The following BIN1 variants were observed in gnomAD, a reference collection of about 807,000 sequenced individuals.
BIN1 encodes myc box-dependent-interacting protein 1.
A neutral mutation model predicts 82.0 loss-of-function variants in BIN1; 53 were observed. The observed-to-expected ratio is 0.65, with a 90% CI of 0.52 to 0.81. BIN1 has a LOEUF of 0.81. BIN1 is among the 40% of genes least tolerant of loss of function. The probability of loss-of-function intolerance (pLI) is 0.00; values close to 1 mark genes in which losing one functional copy is unlikely to be tolerated. For synonymous variants in BIN1, 302 were observed against 328.0 expected (o/e 0.92, Z 0.86); for missense variants, 642 against 784.4 (o/e 0.82, Z 2.17).
intron 3 of BIN1, 57 bp from the exon 4 acceptor site, chr2:127,070,704 C>T: frequency 1.3e-6 from 2 of 1,592,084 alleles, no homozygotes; most frequent in Non-Finnish European, 1.7e-6. Flanking sequence ...GTCCCACCCT[C>T]CCCAGCTCTG....
intron 2 of BIN1, among the ~76,000 whole-genome samples, chr2:127,072,469 G>A (rs369062093): frequency 2.4e-4 from 37 of 152,310 alleles, no homozygotes; most frequent in East Asian, 2.3e-3. Flanking sequence ...CACGCAGCCC[G>A]CAGGGTGTTT....
intron 16 of BIN1, 94 bp downstream of exon 16, chr2:127,051,060 C>T: frequency 1.3e-6 from 2 of 1,555,896 alleles, no homozygotes; most frequent in South Asian, 2.2e-5. Flanking sequence ...AGGAGCCAGG[C>T]CTGGACCAGC....
intron 1 of BIN1, among the ~76,000 whole-genome samples, chr2:127,105,771 G>T (rs1412298116): frequency 1.3e-5 from 2 of 152,210 alleles, no homozygotes; most frequent in Non-Finnish European, 2.9e-5. Flanking sequence ...GGGAAGGCCG[G>T]CCTGTCCCTG....
intron 5 of BIN1, among the ~76,000 whole-genome samples, chr2:127,069,731 A>AACACACACACACACACACAC (rs3832046): frequency 2.7e-5 from 4 of 147,586 alleles, no homozygotes; most frequent in African/African-American, 1.0e-4. Context: ...ACTCCGCAGC[A>AACACACACACACACACACAC]ACACACACAC....
In BIN1 at chr2:127,052,292, G is replaced by A. The variant is rs1158338100; in HGVS notation, c.1334C>T (p.Ser445Phe). 5 of 1,585,422 alleles carry A rather than the reference G, an allele frequency of 3.2e-6. No individual in the cohort carries two copies. In the South Asian group the frequency reaches 4.6e-5, roughly 15 times the overall value. Residue 445 changes from serine to phenylalanine, a missense_variant, in exon 15 of 19, where the codon TCC (serine) becomes TTC (phenylalanine). Physicochemically the swap from Ser to Phe is radical, Grantham distance 155. Coordinates refer to ENST00000316724, the MANE Select transcript of BIN1 (RefSeq NM_139343.3). ...PSAAEGTFAVSWPSQTAEPGP... is the reference protein window; with the variant it reads ...PSAAEGTFAVFWPSQTAEPGP... Reference sequence around the variant, plus strand: ...CGGCTCGGCCGTCTGGCTGGGCCAGGACACAGCAAAGGTGCCCTCGGCAGC... The same window carrying A: ...CGGCTCGGCCGTCTGGCTGGGCCAGAACACAGCAAAGGTGCCCTCGGCAGC...
At chr2:127,098,250 G>A (rs1236153489) in intron 1 of BIN1, among the ~76,000 whole-genome samples, 5 of 152,192 alleles carry the variant, frequency 3.3e-5, no homozygotes, top group Non-Finnish European at 7.4e-5. Context: ...TGAGGATGGG[G>A]AGGCCTGCAG....
intron 12 of BIN1, among the ~76,000 whole-genome samples, chr2:127,056,698 C>T (rs1056030445): frequency 4.6e-5 from 7 of 152,214 alleles, no homozygotes; most frequent in Non-Finnish European, 7.3e-5. Flanking sequence ...AGGCAGTCAG[C>T]TCTCGGGGAG....
rs1394108546 is a variant in BIN1 at position 127,057,849 on chromosome 2, G to A, written c.1003-248C>T. ...GGTCCAGAAACGCTGTGTGGAGAGA[G>A]AAGAGATAGAGAAGTGAGGGGAGAG... On this transcript the variant is annotated intron_variant, in intron 11 of 18. Transcript: ENST00000316724. This position sits in a 1 kb window ranked among gnomAD's most constrained non-coding sequence, Gnocchi z 5.0. 1.3e-5 allele frequency among the ~76,000 whole-genome samples: 2 copies of A among 151,798 alleles called. No homozygotes were observed. The highest frequency in any genetic ancestry group is 4.9e-5 in the African/African-American group (2 of 41,230).
rs540436361 is a variant in BIN1, at chr2:127,059,896, G to A, written c.858-741C>T. Among the ~76,000 whole-genome samples, 7 of 152,292 alleles carry A rather than the reference G, an allele frequency of 4.6e-5. No homozygotes were observed. Among genetic ancestry groups the A allele is most frequent in the Middle Eastern group, 3.4e-3 (1 of 294 alleles). Reference sequence around the variant, plus strand: ...TCTCTACCAGAACCTGCACAGAGACGCCTAGAAAAGTGCTGCCCAGTACGG... The same window carrying A: ...TCTCTACCAGAACCTGCACAGAGACACCTAGAAAAGTGCTGCCCAGTACGG... On this transcript the variant is annotated intron_variant, in intron 10 of 18. Transcript: ENST00000316724. This position sits in a 1 kb window ranked among gnomAD's most constrained non-coding sequence, Gnocchi z 6.7.
At chr2:127,070,678 C>T (rs1573649038) in intron 3 of BIN1, 31 bp from the exon 4 acceptor site, 1 of 1,613,972 alleles carries the variant, frequency 6.2e-7, no homozygotes, top group Non-Finnish European at 8.5e-7. Flanking sequence ...ATGTGGGCCT[C>T]CCACTGATAG....
Position 127,082,294 on chromosome 2 carries a change from G to C in BIN1, c.85-5588C>G, listed in dbSNP as rs539856929. Among the ~76,000 whole-genome samples, 1 of 152,190 alleles carries C rather than the reference G, an allele frequency of 6.6e-6. No homozygotes were observed. The highest frequency in any genetic ancestry group is 1.5e-5 in the Non-Finnish European group (1 of 68,020). On this transcript the variant is annotated intron_variant, in intron 1 of 18. Coordinates refer to ENST00000316724, the MANE Select transcript of BIN1 (RefSeq NM_139343.3). The surrounding 1 kb of genome is among the most constrained non-coding windows in gnomAD (Gnocchi z 6.1). ...TGGGGAGCTGTGGATGATGACACAG[G>C]GCTGGCCTCGGGGATCTTTCCGCCC...
intron 1 of BIN1, among the ~76,000 whole-genome samples, chr2:127,083,751 C>G (rs1310128619): frequency 1.3e-5 from 2 of 152,134 alleles, no homozygotes; most frequent in Non-Finnish European, 2.9e-5. Flanking sequence ...TCAATGTTAT[C>G]CATTTTTTTT....
Position 127,091,772 on chromosome 2 carries a change from C to T in BIN1, c.85-15066G>A, listed in dbSNP as rs528346250. 7.3e-4 allele frequency among the ~76,000 whole-genome samples: 111 copies of T among 152,096 alleles called. 1 individual carries two copies. The highest frequency in any genetic ancestry group is 2.7e-3 in the African/African-American group (111 of 41,470). On this transcript the variant is annotated intron_variant, in intron 1 of 18. Coordinates refer to ENST00000316724, the MANE Select transcript of BIN1 (RefSeq NM_139343.3). ...ATTAGCCAGGTGTGGTGGCATACAC[C>T]TGTGGTCCCAGATACCCGGGAGGCT...
Position 127,093,197 on chromosome 2 carries a change from G to A in BIN1, c.84+13663C>T, listed in dbSNP as rs1034776089. Among the ~76,000 whole-genome samples the A allele has an allele frequency of 9.2e-5, 14 of 152,312 alleles. No homozygotes were observed. The highest frequency in any genetic ancestry group is 3.4e-4 in the African/African-American group (14 of 41,578). On this transcript the variant is annotated intron_variant, in intron 1 of 18. Transcript: ENST00000316724. This position sits in a 1 kb window ranked among gnomAD's most constrained non-coding sequence, Gnocchi z 5.7. ...AGGCCCTGTCGGGGCTCAGAACACA[G>A]CACCCCAAAGTGTGGTGCTGTGGCT...
rs181868238 is a variant in BIN1 at position 127,084,200 on chromosome 2, G to T, written c.85-7494C>A. On this transcript the variant is annotated intron_variant, in intron 1 of 18. Coordinates refer to ENST00000316724, the MANE Select transcript of BIN1 (RefSeq NM_139343.3). The stretch of plus-strand genomic sequence containing the variant: ...GTTCCCTTTAACAAGTCCCCCTGGC[G>T]CACCGTATGCGCAGTGAAGTCTGAG... 2.0e-5 allele frequency among the ~76,000 whole-genome samples: 3 copies of T among 152,242 alleles called. No homozygotes were observed. The East Asian group carries it at 5.8e-4, about 29-fold the overall frequency.
intron 1 of BIN1, among the ~76,000 whole-genome samples, chr2:127,099,440 C>T (rs1249217138): frequency 2.0e-5 from 3 of 152,060 alleles, no homozygotes; most frequent in Non-Finnish European, 4.4e-5. Context: ...ACTAGTATGA[C>T]CATCATCTCA....
intron 1 of BIN1, among the ~76,000 whole-genome samples, chr2:127,084,917 T>C (rs1412476188): frequency 6.6e-6 from 1 of 152,180 alleles, no homozygotes; most frequent in Non-Finnish European, 1.5e-5. Context: ...AGGGAAACTC[T>C]CTTCCTCCTC....
At chr2:127,076,923 G>C (rs536645929) in intron 1 of BIN1, among the ~76,000 whole-genome samples, 1 of 152,202 alleles carries the variant, frequency 6.6e-6, no homozygotes, top group South Asian at 2.1e-4. Context: ...TCGACAATAG[G>C]CCAAAAATGG....
chr2:127,066,713 A>G (rs1482490292), intron 7 of BIN1, among the ~76,000 whole-genome samples: 1 of 152,180 alleles, frequency 6.6e-6, no homozygotes, highest in Admixed American at 6.5e-5. Context: ...TGAGGCTGTC[A>G]ACACTCAGTG....
Sources: gnomAD v4.1 joint callset for allele counts (sites outside exome capture counted in the v4.1 genomes callset) on GRCh38, gnomAD v4.1.1 for gene constraint, Gnocchi (gnomAD v3.1) non-coding constraint, MANE v1.5 for transcripts, NCBI Gene and HGNC (gene_info 2026-07-23, HGNC 2026-07-21) for gene names.